TMEM128: variants seen among roughly 807,000 people sequenced by gnomAD.
TMEM128 encodes transmembrane protein 128.
A neutral mutation model predicts 19.7 loss-of-function variants in TMEM128; 16 were observed. The ratio of observed to expected loss-of-function variants is 0.81; its 90% CI spans 0.55 to 1.23. The LOEUF is 1.23. Among genes scored for constraint, TMEM128 ranks in the 50% most tolerant of loss-of-function variants. The pLI, the probability that TMEM128 is intolerant of heterozygous loss-of-function variation, is 0.00. For missense variants in TMEM128, 237 were observed against 200.8 expected (o/e 1.18, Z -1.09); for synonymous variants, 98 against 75.8 (o/e 1.29, Z -1.52).
chr4:4,241,147 G>C (rs1399943640), intron 2 of TMEM128, among the ~76,000 whole-genome samples: 1 of 152,170 alleles, frequency 6.6e-6, no homozygotes, highest in African/African-American at 2.4e-5. Context: ...GGTTGTTTCT[G>C]AAGTTTTGAG....
chr4:4,242,275 C>A (rs17642102), intron 2 of TMEM128, among the ~76,000 whole-genome samples: 45,438 of 150,160 alleles, frequency 0.3, 7,881 homozygotes, highest in East Asian at 0.46. Context: ...AAAGACCTCT[C>A]TTCTGCTAGA....
rs372596880 is a variant in TMEM128 at position 4,248,188 on chromosome 4, C to T, written c.15G>A (p.Arg5=). 8.5e-5 allele frequency: 130 copies of T among 1,526,024 alleles called. 2 individuals carry two copies. Among genetic ancestry groups the T allele is most frequent in the South Asian group, 8.3e-4 (69 of 82,916 alleles). The allele number at this position is 1,526,024 out of a possible 1,614,324, so 94.5% of individuals were successfully genotyped here. ...ATCGCCGCCGGAGCTGCTGCCGGGCCCGCGAGGAGTCCATCTTGGTACCGC... is the reference window on the plus strand; with the variant it reads ...ATCGCCGCCGGAGCTGCTGCCGGGCTCGCGAGGAGTCCATCTTGGTACCGC... MDSS[R]ARQQLRRRFL... The change falls in exon 1 of 5, where the codon CGG becomes CGA. Residue 5 remains arginine, a synonymous_variant. Coordinates refer to ENST00000382753, the MANE Select transcript of TMEM128 (RefSeq NM_001297551.2).
At chr4:4,237,206 T>C (rs1468763816) in intron 4 of TMEM128, 1 of 403,626 alleles carries the variant, frequency 2.5e-6, no homozygotes, top group East Asian at 7.3e-5. Context: ...GGTAAAATTG[T>C]TCATTCTTCC....
intron 2 of TMEM128, 40 bp from the exon 3 acceptor site, chr4:4,240,519 A>G (rs769711689): frequency 3.4e-5 from 54 of 1,588,830 alleles, no homozygotes; most frequent in Non-Finnish European, 4.6e-5. Context: ...ACAGCACTTA[A>G]TGAATCGTCA....
At chr4:4,243,649 C>A (rs1718051864) in intron 2 of TMEM128, among the ~76,000 whole-genome samples, 1 of 152,166 alleles carries the variant, frequency 6.6e-6, no homozygotes, top group South Asian at 2.1e-4. Context: ...AAATCCTCAG[C>A]CTTTGAGAAT....
chr4:4,248,120 C>T lies in TMEM128; in HGVS notation c.83G>A (p.Gly28Asp), dbSNP rs1394839914. 1.3e-6 allele frequency: 2 copies of T among 1,536,334 alleles called. No homozygotes were observed. Among genetic ancestry groups the T allele is most frequent in the East Asian group, 2.5e-5 (1 of 40,396 alleles). ...PDAEAQLDRE[G>D]DAGPETSTAV... Reference sequence around the variant, plus strand: ...GCGCGCCTCACCCGGCCCGGCGTCACCCTCGCGGTCCAGCTGGGCCTCGGC... The same window carrying T: ...GCGCGCCTCACCCGGCCCGGCGTCATCCTCGCGGTCCAGCTGGGCCTCGGC... Residue 28 changes from glycine to aspartate, a missense_variant, in exon 1 of 5, where the codon GGT becomes GAT. Coordinates refer to ENST00000382753, the MANE Select transcript of TMEM128 (RefSeq NM_001297551.2).
chr4:4,241,619 G>C (rs989078920), intron 2 of TMEM128, among the ~76,000 whole-genome samples: 2 of 152,198 alleles, frequency 1.3e-5, no homozygotes, highest in African/African-American at 4.8e-5. Flanking sequence ...TTCCATGAAG[G>C]CTTTTTACGA....
At chr4:4,245,218 C>T (rs1451363589) in intron 2 of TMEM128, among the ~76,000 whole-genome samples, 3 of 152,178 alleles carry the variant, frequency 2.0e-5, no homozygotes, top group African/African-American at 7.2e-5. Flanking sequence ...CCACATCACT[C>T]TCCAATGTGC....
intron 4 of TMEM128, among the ~76,000 whole-genome samples, chr4:4,237,502 C>A (rs1042267095): frequency 3.3e-5 from 5 of 152,154 alleles, no homozygotes; most frequent in African/African-American, 1.2e-4. Context: ...ATTAGCCAAG[C>A]ATGGTAGCAC....
At chr4:4,247,641 A>G in intron 1 of TMEM128, 1 of 1,614,236 alleles carries the variant, frequency 6.2e-7, no homozygotes. Flanking sequence ...AGTGTTCCAC[A>G]CTTCCCTTTG....
chr4:4,245,474 C>T lies in TMEM128; in HGVS notation c.239+728G>A, dbSNP rs571975035. 7.2e-5 allele frequency among the ~76,000 whole-genome samples: 11 copies of T among 152,294 alleles called. No homozygotes were observed. In the South Asian group the frequency reaches 1.5e-3, roughly 20 times the overall value. ...CCCAATTCCCACTGGCCACAGTTCTCGGCTCTTCCTCCCAGTACTCTTGTA... is the reference window on the plus strand; with the variant it reads ...CCCAATTCCCACTGGCCACAGTTCTTGGCTCTTCCTCCCAGTACTCTTGTA... On this transcript the variant is annotated intron_variant, in intron 2 of 4. Transcript: ENST00000382753.
At chr4:4,243,441 G>A (rs1192881833) in intron 2 of TMEM128, among the ~76,000 whole-genome samples, 1 of 152,082 alleles carries the variant, frequency 6.6e-6, no homozygotes, top group Non-Finnish European at 1.5e-5. Flanking sequence ...GAACCTTAAG[G>A]CCTCAAGCTT....
chr4:4,247,450 A>T, intron 1 of TMEM128: 1 of 1,065,948 alleles, frequency 9.4e-7, no homozygotes, highest in Non-Finnish European at 1.3e-6. Context: ...ACGTGGTTTT[A>T]AAACATATGA....
rs1340284603 is a variant in TMEM128 at position 4,237,865 on chromosome 4, C to A, written c.469G>T (p.Val157Phe). ...PLLLFTQFMG[V>F]VMFITLLG Reference sequence around the variant, plus strand: ...CCAAGGAGTGTGATAAACATGACAACCCCCATAAACTGGGTAAACAACAAC... The same window carrying A: ...CCAAGGAGTGTGATAAACATGACAAACCCCATAAACTGGGTAAACAACAAC... Residue 157 changes from valine (V) to phenylalanine (F), a missense_variant, in exon 4 of 5, where the codon GTT becomes TTT. Transcript: ENST00000382753. 1.2e-6 allele frequency: 2 copies of A among 1,611,974 alleles called. No homozygotes were observed. The highest frequency in any genetic ancestry group is 2.2e-5 in the East Asian group (1 of 44,804).
At chr4:4,240,777 T>C (rs1418623624) in intron 2 of TMEM128, among the ~76,000 whole-genome samples, 2 of 152,204 alleles carry the variant, frequency 1.3e-5, no homozygotes, top group Non-Finnish European at 2.9e-5. Flanking sequence ...ATGCATTTTC[T>C]TTAAAAATAC....
intron 3 of TMEM128, among the ~76,000 whole-genome samples, chr4:4,239,374 G>A (rs1395010978): frequency 2.0e-5 from 3 of 151,942 alleles, no homozygotes; most frequent in African/African-American, 7.2e-5. Context: ...TTAAAAAAAT[G>A]AGACACATCT....
intron 2 of TMEM128, among the ~76,000 whole-genome samples, chr4:4,241,077 ACT>A (rs1717939503): frequency 6.6e-6 from 1 of 152,098 alleles, no homozygotes; most frequent in Non-Finnish European, 1.5e-5. Flanking sequence ...CAAGAGTGAA[ACT>A]CTGTCTCAAA....
chr4:4,241,007 G>A (rs1717936526), intron 2 of TMEM128, among the ~76,000 whole-genome samples: 1 of 152,198 alleles, frequency 6.6e-6, no homozygotes, highest in Non-Finnish European at 1.5e-5. Context: ...AACCCAGGAG[G>A]CAGAGATTGC....
intron 4 of TMEM128, chr4:4,237,092 AAATTCT>A: frequency 2.2e-6 from 1 of 455,844 alleles, no homozygotes; most frequent in Non-Finnish European, 4.4e-6. Flanking sequence ...AGGGAGGCAG[AAATTCT>A]ATAAATAACA....
Sources: gnomAD v4.1 joint callset for allele counts (sites outside exome capture counted in the v4.1 genomes callset) on GRCh38, gnomAD v4.1.1 for gene constraint, MANE v1.5 for transcripts, NCBI Gene and HGNC (gene_info 2026-07-23, HGNC 2026-07-21) for gene names.